The following PHF2 variants were observed in gnomAD, a reference collection of about 807,000 sequenced individuals.
PHF2 encodes the protein PHD finger protein 2.
In PHF2, 27 loss-of-function variants were observed where a neutral mutation model predicts 120.5. That is an observed-to-expected ratio of 0.22 (90% CI 0.17 to 0.31). The LOEUF is 0.31. Among genes scored for constraint, PHF2 ranks in the 10% least tolerant of loss-of-function variants. The pLI, the probability that PHF2 is intolerant of heterozygous loss-of-function variation, is 1.00. For missense variants in PHF2, 1,024 were observed against 1,434.8 expected (o/e 0.71, Z 4.63); for synonymous variants, 568 against 592.5 (o/e 0.96, Z 0.60).
At chr9:93,620,933 G>A (rs1285650971) in intron 1 of PHF2, among the ~76,000 whole-genome samples, 1 of 152,230 alleles carries the variant, frequency 6.6e-6, no homozygotes, top group Non-Finnish European at 1.5e-5. Context: ...GCCCCTAATG[G>A]AGCTCACTGT....
intron 1 of PHF2, among the ~76,000 whole-genome samples, chr9:93,591,672 G>A (rs1326831158): frequency 6.6e-6 from 1 of 152,220 alleles, no homozygotes; most frequent in African/African-American, 2.4e-5. Flanking sequence ...ACCCTGGGCA[G>A]GGTCCATGTG....
chr9:93,655,591 C>G lies in PHF2; in HGVS notation c.953-343C>G, dbSNP rs558731916. Among the ~76,000 whole-genome samples the G allele has an allele frequency of 2.6e-5, 4 of 152,378 alleles. No individual in the cohort carries two copies. In the South Asian group the frequency reaches 8.3e-4, roughly 32 times the overall value. ...TCTCTCTGTCTGAGTACTGCCCCCT[C>G]AAGTGGTCTGAGTGAGTCCCCTCAG... On this transcript the variant is annotated intron_variant, in intron 7 of 21. Coordinates refer to ENST00000359246, the MANE Select transcript of PHF2 (RefSeq NM_005392.4).
intron 13 of PHF2, 102 bp downstream of exon 13, chr9:93,663,128 C>T (rs1487551523): frequency 1.3e-6 from 2 of 1,495,010 alleles, no homozygotes; most frequent in Non-Finnish European, 1.8e-6. Flanking sequence ...AATGTGCAGA[C>T]ATGTGTCTGC....
chr9:93,581,010 G>A (rs1357810166), intron 1 of PHF2, among the ~76,000 whole-genome samples: 1 of 152,114 alleles, frequency 6.6e-6, no homozygotes, highest in East Asian at 1.9e-4. Flanking sequence ...GGTGGGGAGT[G>A]AGGACTGGGG....
intron 1 of PHF2, among the ~76,000 whole-genome samples, chr9:93,600,562 A>AG (rs1825421138): frequency 6.6e-6 from 1 of 152,222 alleles, no homozygotes; most frequent in South Asian, 2.1e-4. Context: ...GTGTGACCAG[A>AG]GTGAGCTCTT....
At chr9:93,660,622 G>A in intron 12 of PHF2, 62 bp downstream of exon 12, 8 of 1,443,062 alleles carry the variant, frequency 5.5e-6, no homozygotes, top group Non-Finnish European at 7.4e-6. Context: ...ATCTCTTGTG[G>A]GCCAGTCCCA....
At chr9:93,589,585 T>G in intron 1 of PHF2, among the ~76,000 whole-genome samples, 1 of 152,246 alleles carries the variant, frequency 6.6e-6, no homozygotes. Context: ...ACTTGGAAAT[T>G]AAAGTCAGTG....
chr9:93,618,117 A>C (rs1825756932), intron 1 of PHF2, among the ~76,000 whole-genome samples: 1 of 152,254 alleles, frequency 6.6e-6, no homozygotes, highest in Non-Finnish European at 1.5e-5. Context: ...TGGGCACTAA[A>C]TTAGCTTTAA....
chr9:93,632,008 G>T (rs1826009944), intron 2 of PHF2, among the ~76,000 whole-genome samples: 2 of 152,152 alleles, frequency 1.3e-5, no homozygotes, highest in Non-Finnish European at 1.5e-5. Flanking sequence ...GCAATGGTGT[G>T]GTGCTGGGGC....
At chr9:93,633,134 A>C (rs1323128202) in intron 2 of PHF2, among the ~76,000 whole-genome samples, 1 of 152,146 alleles carries the variant, frequency 6.6e-6, no homozygotes. Context: ...GGGGCTGCTC[A>C]GGGTTCCCAG....
intron 1 of PHF2, among the ~76,000 whole-genome samples, chr9:93,594,196 C>G (rs377183780): frequency 4.0e-5 from 4 of 101,020 alleles, no homozygotes; most frequent in African/African-American, 1.0e-4. Flanking sequence ...ACCCCCCCCC[C>G]CTCCATTAAT....
At chr9:93,658,860 A>C (rs1041423796) in intron 10 of PHF2, among the ~76,000 whole-genome samples, 2 of 152,124 alleles carry the variant, frequency 1.3e-5, no homozygotes, top group African/African-American at 2.4e-5. Flanking sequence ...GAAGCCACTT[A>C]CTGTGTTGCT....
In PHF2 at chr9:93,676,829, A is replaced by G; in HGVS notation, c.3068A>G (p.Asp1023Gly). 6.4e-7 allele frequency: 1 copy of G among 1,558,306 alleles called. No homozygotes were observed. Among genetic ancestry groups the G allele is most frequent in the Non-Finnish European group, 8.7e-7 (1 of 1,150,840 alleles). The stretch of plus-strand genomic sequence containing the variant: ...GAGTCGCATAGCAGCAGCCTGGCGG[A>G]CCATGAGTACACAGCCGCTGGCACC... Reference protein sequence around the residue: ...PPESHSSSLADHEYTAAGTFT... With the variant: ...PPESHSSSLAGHEYTAAGTFT... The change falls in exon 21 of 22, where the codon GAC (aspartate) becomes GGC (glycine). Residue 1023 changes from aspartate (D) to glycine (G), a missense_variant. Transcript: ENST00000359246.
chr9:93,645,204 A>G (rs7019745), intron 3 of PHF2, among the ~76,000 whole-genome samples: 102,762 of 152,188 alleles, frequency 0.68, 35,535 homozygotes, highest in African/African-American at 0.79. Context: ...TGGCCCTGCC[A>G]TGGGGAGGCA....
At chr9:93,593,160 G>T (rs1825266776) in intron 1 of PHF2, among the ~76,000 whole-genome samples, 1 of 151,234 alleles carries the variant, frequency 6.6e-6, no homozygotes, top group Admixed American at 6.6e-5. Context: ...AGCAGGACGG[G>T]ACATGGCAGC....
At chr9:93,577,560 A>G (rs1039272451) in intron 1 of PHF2, among the ~76,000 whole-genome samples, 2 of 152,156 alleles carry the variant, frequency 1.3e-5, no homozygotes, top group Non-Finnish European at 2.9e-5. Context: ...GTGCGGTGAC[A>G]GAATAGTGTC....
At chr9:93,582,585 G>T (rs183823005) in intron 1 of PHF2, among the ~76,000 whole-genome samples, 72 of 152,296 alleles carry the variant, frequency 4.7e-4, no homozygotes, top group Admixed American at 4.3e-3. Context: ...GTCCAGAATG[G>T]GACTTGGCTT....
rs567186481 is a variant in PHF2 at position 93,633,291 on chromosome 9, C to A, written c.185-3120C>A. Among the ~76,000 whole-genome samples, 19 of 151,972 alleles carry A rather than the reference C, an allele frequency of 1.3e-4. No homozygotes were observed. The South Asian group carries it at 3.7e-3, about 30-fold the overall frequency. On this transcript the variant is annotated intron_variant, in intron 2 of 21. Coordinates refer to ENST00000359246, the MANE Select transcript of PHF2 (RefSeq NM_005392.4). ...CCTGTGGGCAGGGGCCATAGGCCCACAGGTTTACCTGACTGACACAGATTT... is the reference window on the plus strand; with the variant it reads ...CCTGTGGGCAGGGGCCATAGGCCCAAAGGTTTACCTGACTGACACAGATTT...
intron 12 of PHF2, among the ~76,000 whole-genome samples, chr9:93,662,019 AGAT>A (rs1035135265): frequency 8.6e-5 from 13 of 151,660 alleles, no homozygotes; most frequent in African/African-American, 2.9e-4. Flanking sequence ...ATGGATGGGT[AGAT>A]GATGAATGAA....
Sources: allele counts gnomAD v4.1 joint callset (sites outside exome capture counted in the v4.1 genomes callset), GRCh38; gene constraint gnomAD v4.1.1; transcripts MANE v1.5; gene names NCBI Gene and HGNC (gene_info 2026-07-23, HGNC 2026-07-21).